The following CRB1 variants were observed in gnomAD, a reference collection of about 807,000 sequenced individuals.
The protein encoded by CRB1 is crumbs cell polarity complex component 1, also known as protein crumbs homolog 1.
Under a neutral mutation model 120.0 loss-of-function variants are expected in CRB1, and 83 were observed. That is an observed-to-expected ratio of 0.69 (90% CI 0.58 to 0.83). The LOEUF (loss-of-function observed/expected upper bound fraction) is 0.83, where lower values mean the gene tolerates loss of function less well. Ranked by LOEUF, CRB1 falls within the 40% of genes least tolerant of loss-of-function variation. The pLI, the probability that CRB1 is intolerant of heterozygous loss-of-function variation, is 0.00. For synonymous variants in CRB1, 625 were observed against 612.5 expected, an observed-to-expected ratio of 1.02 and a Z score of -0.30; for missense variants, 1,699 against 1,687.6, an observed-to-expected ratio of 1.01 and a Z score of -0.12.
chr1:197,286,408 A>G (rs922347432), intron 1 of CRB1, among the ~76,000 whole-genome samples: 1 of 151,932 alleles, frequency 6.6e-6, no homozygotes, highest in African/African-American at 2.4e-5. Context: ...TGGCAAAGTA[A>G]GTGACAGAGC....
At chr1:197,342,430 A>C (rs541874788) in intron 2 of CRB1, among the ~76,000 whole-genome samples, 1 of 152,148 alleles carries the variant, frequency 6.6e-6, no homozygotes, top group Non-Finnish European at 1.5e-5. Flanking sequence ...TCAACTTTCC[A>C]GTAGTGGAAA....
intron 11 of CRB1, among the ~76,000 whole-genome samples, chr1:197,471,471 C>G (rs563994192): frequency 6.6e-6 from 1 of 152,140 alleles, no homozygotes; most frequent in Non-Finnish European, 1.5e-5. Context: ...GAAAATGATA[C>G]TCAGCATGCA....
the CRB1 span, among the ~76,000 whole-genome samples, chr1:197,217,611 G>A: frequency 4.6e-5 from 7 of 152,072 alleles, no homozygotes; most frequent in African/African-American, 1.7e-4. Context: ...AAAATGTCCA[G>A]AATACAAATT....
At chr1:197,416,626 T>G (rs577766039) in intron 5 of CRB1, among the ~76,000 whole-genome samples, 3 of 152,288 alleles carry the variant, frequency 2.0e-5, no homozygotes, top group East Asian at 3.9e-4. Context: ...ATGAAAGAAA[T>G]AAAAACACAA....
intron 8 of CRB1, among the ~76,000 whole-genome samples, chr1:197,429,904 C>T (rs775842140): frequency 3.3e-5 from 5 of 152,176 alleles, no homozygotes; most frequent in Non-Finnish European, 7.3e-5. Context: ...TTCCTTCCCT[C>T]ATTACTGGGA....
At chr1:197,382,729 T>G (rs1382222699) in intron 5 of CRB1, among the ~76,000 whole-genome samples, 1 of 152,100 alleles carries the variant, frequency 6.6e-6, no homozygotes. Flanking sequence ...AAAATTCTGG[T>G]CACATATTCA....
the CRB1 span, among the ~76,000 whole-genome samples, chr1:197,219,805 A>G: frequency 6.6e-6 from 1 of 152,190 alleles, no homozygotes; most frequent in African/African-American, 2.4e-5. Flanking sequence ...TCCAGCCACA[A>G]TGATCTTCTT....
At chr1:197,304,367 C>G in intron 1 of CRB1, 1 of 977,032 alleles carries the variant, frequency 1.0e-6, no homozygotes, top group South Asian at 4.7e-5. Context: ...TTTTCCACAT[C>G]TAGGGAGGAC....
At chr1:197,229,580 G>A in the CRB1 span, among the ~76,000 whole-genome samples, 1 of 152,150 alleles carries the variant, frequency 6.6e-6, no homozygotes, top group Admixed American at 6.5e-5. Flanking sequence ...GTGCCCAACA[G>A]GTAGTTTTTC....
chr1:197,456,058 A>G (rs775275471), intron 11 of CRB1, among the ~76,000 whole-genome samples: 1 of 152,148 alleles, frequency 6.6e-6, no homozygotes, highest in Non-Finnish European at 1.5e-5. Flanking sequence ...ATAGCTACAA[A>G]TATGTTACTT....
the CRB1 span, among the ~76,000 whole-genome samples, chr1:197,239,276 G>A: frequency 2.6e-5 from 4 of 151,860 alleles, no homozygotes; most frequent in East Asian, 1.9e-4. Flanking sequence ...TGAATATTTT[G>A]TCTAATATTT....
chr1:197,448,643 T>C (rs1437115390), intron 11 of CRB1, among the ~76,000 whole-genome samples: 1 of 152,244 alleles, frequency 6.6e-6, no homozygotes, highest in African/African-American at 2.4e-5. Flanking sequence ...CCTTCTTCTC[T>C]GTTTGACATA....
chr1:197,452,555 C>T (rs1319525242), intron 11 of CRB1, among the ~76,000 whole-genome samples: 1 of 152,090 alleles, frequency 6.6e-6, no homozygotes, highest in Non-Finnish European at 1.5e-5. Flanking sequence ...TAAATATTCA[C>T]AGAAACCTTA....
chr1:197,415,078 G>A (rs993040654), intron 5 of CRB1, among the ~76,000 whole-genome samples: 1 of 151,884 alleles, frequency 6.6e-6, no homozygotes, highest in East Asian at 1.9e-4. Flanking sequence ...TCAAATTATT[G>A]ACATTTTATG....
chr1:197,426,798 G>T (rs1212669641), intron 6 of CRB1, among the ~76,000 whole-genome samples: 1 of 152,112 alleles, frequency 6.6e-6, no homozygotes, highest in Non-Finnish European at 1.5e-5. Flanking sequence ...CATCCCAAGA[G>T]AAGATTTAAT....
the CRB1 span, among the ~76,000 whole-genome samples, chr1:197,247,967 A>C: frequency 6.6e-6 from 1 of 152,054 alleles, no homozygotes; most frequent in Non-Finnish European, 1.5e-5. Flanking sequence ...CTCTGATATT[A>C]ACTAGGAATT....
In CRB1 at chr1:197,357,003, T is replaced by G. The variant is rs746407080; in HGVS notation, c.1161T>G (p.Pro387=). ...EASGYVCICQ[P]GFTGIHCEED... ...CAGGTTATGTCTGTATCTGTCAGCC[T>G]GGATTCACAGGTGAGGCCAAGGAGA... Residue 387 remains proline (P), a synonymous_variant, in exon 5 of 12, where the codon CCT becomes CCG. Coordinates refer to ENST00000367400, the MANE Select transcript of CRB1 (RefSeq NM_201253.3). 3.7e-6 allele frequency: 6 copies of G among 1,614,086 alleles called. No homozygotes were observed. The African/African-American group carries it at 6.7e-5, about 18-fold the overall frequency.
chr1:197,282,535 G>A (rs1008392341), intron 1 of CRB1, among the ~76,000 whole-genome samples: 1 of 151,802 alleles, frequency 6.6e-6, no homozygotes, highest in Admixed American at 6.6e-5. Context: ...AAATTTGCAC[G>A]TTTATACTAA....
chr1:197,402,515 T>C (rs1663117989), intron 5 of CRB1, among the ~76,000 whole-genome samples: 1 of 152,216 alleles, frequency 6.6e-6, no homozygotes, highest in Non-Finnish European at 1.5e-5. Context: ...GACTAAAAGA[T>C]AGTCATCCAT....
Sources: gnomAD v4.1 joint callset for allele counts (sites outside exome capture counted in the v4.1 genomes callset) on GRCh38, gnomAD v4.1.1 for gene constraint, MANE v1.5 for transcripts, NCBI Gene and HGNC (gene_info 2026-07-23, HGNC 2026-07-21) for gene names.